Variants in CNOT6L observed in about 807,000 individuals in gnomAD.
CNOT6L encodes CCR4-NOT transcription complex subunit 6 like.
CNOT6L carries 7 observed loss-of-function variants against 64.0 expected under a neutral mutation model. The ratio of observed to expected loss-of-function variants is 0.11; its 90% CI spans 0.06 to 0.21. CNOT6L has a LOEUF of 0.21. Among genes scored for constraint, CNOT6L ranks in the 10% least tolerant of loss-of-function variants. CNOT6L has a pLI of 1.00. For synonymous variants in CNOT6L, 193 were observed against 243.4 expected (o/e 0.79, Z 1.93); for missense variants, 245 against 669.0 (o/e 0.37, Z 6.99).
chr4:77,761,207 C>CCAAA (rs550903443), intron 4 of CNOT6L, among the ~76,000 whole-genome samples: 18 of 151,770 alleles, frequency 1.2e-4, no homozygotes, highest in Non-Finnish European at 1.9e-4. Flanking sequence ...ACCAAAAAAT[C>CCAAA]CAAACAAACA....
In CNOT6L at chr4:77,819,358, G is replaced by T. The variant is rs751121501; in HGVS notation, c.-50C>A. ...CAGCAGCCATTTCCCCGCGGCAGGGGAAACACACACACAAACACGCGCGCG... is the reference window on the plus strand; with the variant it reads ...CAGCAGCCATTTCCCCGCGGCAGGGTAAACACACACACAAACACGCGCGCG... On this transcript the variant is annotated 5_prime_UTR_variant, in exon 1 of 12. Coordinates refer to ENST00000504123, the MANE Select transcript of CNOT6L (RefSeq NM_144571.3). 2 of 1,612,202 alleles carry T rather than the reference G, an allele frequency of 1.2e-6. No homozygotes were observed. Among genetic ancestry groups the T allele is most frequent in the African/African-American group, 1.3e-5 (1 of 74,782 alleles).
chr4:77,754,888 T>TAAAAAAAAAAAGA (rs1725296004), intron 5 of CNOT6L, among the ~76,000 whole-genome samples: 1 of 36,956 alleles, frequency 2.7e-5, no homozygotes, highest in African/African-American at 1.1e-4. Context: ...ACATTAGAAG[T>TAAAAAAAAAAAGA]AAAAAAAAAA....
chr4:77,770,934 A>T (rs1275619349), intron 4 of CNOT6L, among the ~76,000 whole-genome samples: 1 of 152,240 alleles, frequency 6.6e-6, no homozygotes, highest in Non-Finnish European at 1.5e-5. Context: ...TGTACTTGAG[A>T]TAATATGAAA....
intron 1 of CNOT6L, among the ~76,000 whole-genome samples, chr4:77,784,579 G>T (rs1439820544): frequency 6.6e-6 from 1 of 151,508 alleles, no homozygotes; most frequent in Non-Finnish European, 1.5e-5. Context: ...AACCTCCTGG[G>T]TTCAAGTGAT....
intron 1 of CNOT6L, among the ~76,000 whole-genome samples, chr4:77,810,259 C>A (rs1007085689): frequency 6.6e-6 from 1 of 151,986 alleles, no homozygotes; most frequent in Non-Finnish European, 1.5e-5. Context: ...ATTAAAATTT[C>A]AAAAAGTAAA....
chr4:77,801,945 T>C lies in CNOT6L; in HGVS notation c.5+17359A>G, dbSNP rs554515236. ...AGTCCAGGAAACAAGATGAGAAAAA[T>C]GTAAACAATGACTACCATGTTGTAA... On this transcript the variant is annotated intron_variant, in intron 1 of 11. Transcript: ENST00000504123. Among the ~76,000 whole-genome samples the C allele has an allele frequency of 1.6e-3, 238 of 152,290 alleles. 1 individual carries two copies. Among genetic ancestry groups the C allele is most frequent in the Middle Eastern group, 3.4e-3 (1 of 294 alleles).
intron 1 of CNOT6L, among the ~76,000 whole-genome samples, chr4:77,797,580 G>C (rs889924823): frequency 1.3e-5 from 2 of 152,198 alleles, no homozygotes; most frequent in East Asian, 3.8e-4. Context: ...CAAAGCACAA[G>C]AGTAGTGATG....
intron 1 of CNOT6L, among the ~76,000 whole-genome samples, chr4:77,793,835 A>G (rs1309834840): frequency 6.6e-6 from 1 of 152,154 alleles, no homozygotes; most frequent in Admixed American, 6.6e-5. Context: ...AAACTTAAAA[A>G]TTGTAAAACA....
intron 1 of CNOT6L, among the ~76,000 whole-genome samples, chr4:77,807,037 T>C (rs1413843561): frequency 6.6e-6 from 1 of 152,060 alleles, no homozygotes; most frequent in Non-Finnish European, 1.5e-5. Context: ...CTTAAAAACC[T>C]CACAATCTTT....
intron 1 of CNOT6L, among the ~76,000 whole-genome samples, chr4:77,805,590 GT>G (rs1732123896): frequency 6.6e-6 from 1 of 152,054 alleles, no homozygotes; most frequent in African/African-American, 2.4e-5. Flanking sequence ...ATATCTATAT[GT>G]ACCAGTATTA....
Position 77,819,335 on chromosome 4 carries a change from G to A in CNOT6L, c.-27C>T, listed in dbSNP as rs1734027153. On this transcript the variant is annotated 5_prime_UTR_variant, in exon 1 of 12. Transcript: ENST00000504123. The stretch of plus-strand genomic sequence containing the variant: ...CTCTTCCTCTGGCCCAGAAGCAACA[G>A]CAGCCATTTCCCCGCGGCAGGGGAA... 1 of 1,613,190 alleles carries A rather than the reference G, an allele frequency of 6.2e-7. No homozygotes were observed. The highest frequency in any genetic ancestry group is 1.6e-4 in the Middle Eastern group (1 of 6,062).
At chr4:77,810,442 A>G (rs1294915358) in intron 1 of CNOT6L, among the ~76,000 whole-genome samples, 1 of 152,204 alleles carries the variant, frequency 6.6e-6, no homozygotes, top group Non-Finnish European at 1.5e-5. Context: ...GATTCAAAGT[A>G]CATTAAACTA....
chr4:77,778,773 G>A (rs913656342), intron 1 of CNOT6L, among the ~76,000 whole-genome samples: 1 of 151,642 alleles, frequency 6.6e-6, no homozygotes, highest in African/African-American at 2.4e-5. Context: ...GGCCGGGCAC[G>A]GTGGCTCACG....
At chr4:77,758,280 G>C (rs1725789608) in intron 4 of CNOT6L, among the ~76,000 whole-genome samples, 1 of 152,046 alleles carries the variant, frequency 6.6e-6, no homozygotes, top group Non-Finnish European at 1.5e-5. Context: ...ATAACTCCAA[G>C]TACTAGGGGG....
intron 6 of CNOT6L, among the ~76,000 whole-genome samples, chr4:77,747,391 C>T (rs1724315676): frequency 6.6e-6 from 1 of 152,148 alleles, no homozygotes; most frequent in African/African-American, 2.4e-5. Context: ...TAATCTTGAA[C>T]TCCTGGCCTC....
chr4:77,791,270 C>T lies in CNOT6L; in HGVS notation c.6-14878G>A, dbSNP rs79844471. On this transcript the variant is annotated intron_variant, in intron 1 of 11. Transcript: ENST00000504123. ...CAGCCTGAGCAACAAAGCCAGGCTC[C>T]GTCTCCAAATAATCATCATCATCAT... Among the ~76,000 whole-genome samples the T allele has an allele frequency of 1.6e-4, 24 of 152,206 alleles. No individual in the cohort carries two copies. In the East Asian group the frequency reaches 4.5e-3, roughly 28 times the overall value.
chr4:77,751,999 C>G (rs375956474), intron 5 of CNOT6L, among the ~76,000 whole-genome samples: 1 of 152,074 alleles, frequency 6.6e-6, no homozygotes. Flanking sequence ...TAGTGAGATC[C>G]CATCTCTACA....
intron 5 of CNOT6L, among the ~76,000 whole-genome samples, chr4:77,751,186 AGAG>A (rs1724823002): frequency 6.6e-6 from 1 of 152,204 alleles, no homozygotes; most frequent in Non-Finnish European, 1.5e-5. Context: ...CAGCAAATAC[AGAG>A]AAATTATTAT....
chr4:77,726,005 C>A, intron 11 of CNOT6L, 162 bp downstream of exon 11: 2 of 632,612 alleles, frequency 3.2e-6, no homozygotes, highest in Non-Finnish European at 5.5e-6. Flanking sequence ...AGCCACAAAA[C>A]CCAATAAACC....
Sources: gnomAD v4.1 joint callset for allele counts (sites outside exome capture counted in the v4.1 genomes callset) on GRCh38, gnomAD v4.1.1 for gene constraint, MANE v1.5 for transcripts, NCBI Gene and HGNC (gene_info 2026-07-23, HGNC 2026-07-21) for gene names.